Variants in PREX1 observed in about 807,000 individuals in gnomAD.
The protein encoded by PREX1 is phosphatidylinositol-3,4,5-trisphosphate dependent Rac exchange factor 1, also known as phosphatidylinositol 3,4,5-trisphosphate-dependent Rac exchanger 1 protein.
Under a neutral mutation model 198.3 loss-of-function variants are expected in PREX1, and 41 were observed. The ratio of observed to expected loss-of-function variants is 0.21; its 90% CI spans 0.16 to 0.27. PREX1 has a LOEUF of 0.27. Among genes scored for constraint, PREX1 ranks in the 10% least tolerant of loss-of-function variants. PREX1 has a pLI of 1.00. For synonymous variants in PREX1, 843 were observed against 887.2 expected (o/e 0.95, Z 0.89); for missense variants, 1,620 against 2,200.7 (o/e 0.74, Z 5.28).
chr20:48,646,031 G>A lies in PREX1; in HGVS notation c.3332C>T (p.Thr1111Ile), dbSNP rs2089448761. The change falls in exon 26 of 40, where the codon ACC becomes ATC. Residue 1111 changes from threonine to isoleucine, a missense_variant. Coordinates refer to ENST00000371941, the MANE Select transcript of PREX1 (RefSeq NM_020820.4). ...NRLLSTITEP[T>I]SGGSCDASLA... is the part of the protein sequence containing the mutation. ...GGATGCGTCGCAGGACCCACCCGAG[G>A]TGGGCTCTGTGATGGTGGACAGCAG... 6.2e-7 allele frequency: 1 copy of A among 1,613,896 alleles called. No individual in the cohort carries two copies. Among genetic ancestry groups the A allele is most frequent in the Non-Finnish European group, 8.5e-7 (1 of 1,180,040 alleles).
intron 1 of PREX1, among the ~76,000 whole-genome samples, chr20:48,759,588 A>G (rs2090170510): frequency 6.6e-6 from 1 of 151,766 alleles, no homozygotes; most frequent in South Asian, 2.1e-4. Flanking sequence ...GAAAAAAAGA[A>G]ATACTACAGG....
intron 6 of PREX1, among the ~76,000 whole-genome samples, chr20:48,706,344 T>C (rs1370759930): frequency 2.0e-5 from 3 of 152,240 alleles, no homozygotes. Flanking sequence ...GCTCTGCTTC[T>C]TCCTTTTCTG....
At chr20:48,645,002 C>T (rs930335903) in intron 26 of PREX1, among the ~76,000 whole-genome samples, 6 of 152,164 alleles carry the variant, frequency 3.9e-5, no homozygotes, top group Admixed American at 3.3e-4. Flanking sequence ...AACTGGAGGA[C>T]CCAAAAATGT....
At chr20:48,665,288 G>A (rs572764766) in intron 15 of PREX1, among the ~76,000 whole-genome samples, 12 of 140,620 alleles carry the variant, frequency 8.5e-5, no homozygotes, top group East Asian at 4.4e-4. Flanking sequence ...TTCTAATCCC[G>A]GCTCCAGACG....
intron 1 of PREX1, among the ~76,000 whole-genome samples, chr20:48,768,290 A>G (rs1177323947): frequency 6.6e-6 from 1 of 152,234 alleles, no homozygotes; most frequent in East Asian, 1.9e-4. Flanking sequence ...TCAACAGGAG[A>G]ACGGATGAAC....
intron 1 of PREX1, among the ~76,000 whole-genome samples, chr20:48,812,938 G>A (rs564392370): frequency 6.6e-6 from 1 of 152,258 alleles, no homozygotes; most frequent in Admixed American, 6.5e-5. Flanking sequence ...TATACCCAAA[G>A]ATGAAACAGC....
intron 34 of PREX1, 45 bp from the exon 35 acceptor site, chr20:48,632,436 T>A (rs1482549477): frequency 1.2e-6 from 2 of 1,613,178 alleles, no homozygotes; most frequent in East Asian, 2.2e-5. Context: ...TGGGAGCCGG[T>A]GTGCTTGGTG....
chr20:48,795,952 A>G (rs2090360571), intron 1 of PREX1, among the ~76,000 whole-genome samples: 1 of 152,198 alleles, frequency 6.6e-6, no homozygotes, highest in Non-Finnish European at 1.5e-5. Flanking sequence ...GCAGGTTCAC[A>G]TCGATGTGTG....
At position 48,650,139 on chromosome 20, in the gene PREX1, A is replaced by G; in HGVS notation, c.2885T>C (p.Leu962Pro). 1.2e-6 allele frequency: 2 copies of G among 1,613,986 alleles called. No homozygotes were observed. The highest frequency in any genetic ancestry group is 2.2e-5 in the South Asian group (2 of 91,086). Residue 962 changes from leucine (L) to proline (P), a missense_variant, in exon 24 of 40, where the codon CTG (leucine) becomes CCG (proline). Coordinates refer to ENST00000371941, the MANE Select transcript of PREX1 (RefSeq NM_020820.4). ...GGTGGGGCAGAAGTCCAGGCCACAC[A>G]GCGGGTGGGGCTCCAGGGGGGCTTG... ...FKQAPLEPHP[L>P]CGLDFCPTNC... is the part of the protein sequence containing the mutation.
chr20:48,649,956 C>A, intron 24 of PREX1, 40 bp downstream of exon 24: 1 of 1,603,290 alleles, frequency 6.2e-7, no homozygotes, highest in Non-Finnish European at 8.5e-7. Context: ...ATCTGGAGTG[C>A]AACATCTGAA....
At chr20:48,716,195 C>T (rs527580100) in intron 5 of PREX1, among the ~76,000 whole-genome samples, 17 of 152,308 alleles carry the variant, frequency 1.1e-4, no homozygotes, top group Middle Eastern at 3.4e-3. Flanking sequence ...ATCCGCCCCT[C>T]GAGTCCTGTG....
rs959455197 is a variant in PREX1, at chr20:48,715,544, T to C, written c.622-7123A>G. Reference sequence around the variant, plus strand: ...TCTCAGCTGTGGGGCCTTGCACAAGTGGCCTCACCTCTCTAAAGCCAAGTG... The same window carrying C: ...TCTCAGCTGTGGGGCCTTGCACAAGCGGCCTCACCTCTCTAAAGCCAAGTG... On this transcript the variant is annotated intron_variant, in intron 5 of 39. Coordinates refer to ENST00000371941, the MANE Select transcript of PREX1 (RefSeq NM_020820.4). Among the ~76,000 whole-genome samples the C allele has an allele frequency of 4.6e-5, 7 of 152,142 alleles. No individual in the cohort carries two copies. The East Asian group carries it at 9.6e-4, about 21-fold the overall frequency.
chr20:48,747,619 A>G (rs1017759063), intron 2 of PREX1, among the ~76,000 whole-genome samples, 190 bp downstream of exon 2: 1 of 152,240 alleles, frequency 6.6e-6, no homozygotes, highest in Admixed American at 6.5e-5. Context: ...CACCAAGCAC[A>G]GCTTGCTCAC....
chr20:48,706,901 C>A (rs1389006950), intron 6 of PREX1, among the ~76,000 whole-genome samples: 1 of 152,190 alleles, frequency 6.6e-6, no homozygotes, highest in Non-Finnish European at 1.5e-5. Context: ...ACTCACCCAC[C>A]AGGGGAGCCA....
intron 1 of PREX1, among the ~76,000 whole-genome samples, chr20:48,800,763 T>G (rs1313338973): frequency 1.3e-5 from 2 of 152,100 alleles, no homozygotes; most frequent in African/African-American, 4.8e-5. Flanking sequence ...GCCTTTATAA[T>G]GAGACCAATG....
At chr20:48,834,566 C>CT in the PREX1 span, among the ~76,000 whole-genome samples, 34,899 of 148,422 alleles carry the variant, frequency 0.24, 4,560 homozygotes, top group Non-Finnish European at 0.3. Context: ...ATTCCTGAGC[C>CT]TTTTTTTTTT....
At chr20:48,648,363 C>T (rs143658044) in intron 25 of PREX1, among the ~76,000 whole-genome samples, 172 of 152,314 alleles carry the variant, frequency 1.1e-3, no homozygotes, top group African/African-American at 4.1e-3. Flanking sequence ...TCCAAAGACA[C>T]TTCTACTTGT....
intron 1 of PREX1, among the ~76,000 whole-genome samples, chr20:48,785,605 A>G (rs2090308448): frequency 6.6e-6 from 1 of 152,176 alleles, no homozygotes; most frequent in Non-Finnish European, 1.5e-5. Flanking sequence ...CTCATCGCTG[A>G]TGTTCGGACT....
intron 1 of PREX1, among the ~76,000 whole-genome samples, chr20:48,786,909 G>C (rs1411953268): frequency 3.3e-5 from 5 of 151,660 alleles, no homozygotes; most frequent in Non-Finnish European, 7.4e-5. Context: ...TGGAGGGGAG[G>C]GAAAGAGGAG....
Sources: gnomAD v4.1 joint callset for allele counts (sites outside exome capture counted in the v4.1 genomes callset) on GRCh38, gnomAD v4.1.1 for gene constraint, MANE v1.5 for transcripts, NCBI Gene and HGNC (gene_info 2026-07-23, HGNC 2026-07-21) for gene names.